MYOM2: variants seen among roughly 807,000 people sequenced by gnomAD.
The protein encoded by MYOM2 is myomesin 2.
MYOM2 carries 254 observed loss-of-function variants against 187.6 expected under a neutral mutation model. The ratio of observed to expected loss-of-function variants is 1.35; its 90% CI spans 1.22 to 1.50. MYOM2 has a LOEUF of 1.50. MYOM2 is among the 40% of genes most tolerant of loss of function. The probability of loss-of-function intolerance (pLI) is 0.00; values close to 1 mark genes in which losing one functional copy is unlikely to be tolerated. For synonymous variants in MYOM2, 981 were observed against 753.8 expected, an observed-to-expected ratio of 1.30 and a Z score of -4.94; for missense variants, 2,796 against 1,924.0, an observed-to-expected ratio of 1.45 and a Z score of -8.48.
intron 6 of MYOM2, among the ~76,000 whole-genome samples, chr8:2,065,332 A>G (rs964511401): frequency 6.6e-6 from 1 of 152,136 alleles, no homozygotes; most frequent in African/African-American, 2.4e-5. Context: ...GCATGTTGGG[A>G]GGCCGAGGCA....
In MYOM2 at chr8:2,116,047, G is replaced by C. The variant is rs764327798; in HGVS notation, c.3268G>C (p.Val1090Leu). The change falls in exon 26 of 37, where the codon GTG becomes CTG. Residue 1090 changes from valine (V) to leucine (L), a missense_variant. Physicochemically the swap from Val to Leu is conservative, Grantham distance 32 (BLOSUM62 1). Coordinates refer to ENST00000262113, the MANE Select transcript of MYOM2 (RefSeq NM_003970.4). Reference protein sequence around the residue: ...FSIENEGTYTVQIHDGKAKSQ... With the variant: ...FSIENEGTYTLQIHDGKAKSQ... ...TATTGAAAATGAGGGGACCTACACT[G>C]TGCAGATTCATGATGGGAAAGCCAA... 1.2e-5 allele frequency: 19 copies of C among 1,613,994 alleles called. No individual in the cohort carries two copies. In the South Asian group the frequency reaches 1.6e-4, roughly 14 times the overall value.
At chr8:2,118,541 A>G (rs112648781) in intron 28 of MYOM2, among the ~76,000 whole-genome samples, 7 of 152,338 alleles carry the variant, frequency 4.6e-5, no homozygotes, top group African/African-American at 1.4e-4. Context: ...GTAAACAGAC[A>G]GTTTCAATAA....
intron 9 of MYOM2, 102 bp from the exon 10 acceptor site, chr8:2,073,237 G>C: frequency 7.6e-7 from 1 of 1,316,448 alleles, no homozygotes; most frequent in Non-Finnish European, 1.0e-6. Context: ...TGTCCAGCTC[G>C]ACTGTCCTGT....
intron 14 of MYOM2, among the ~76,000 whole-genome samples, chr8:2,089,682 A>C (rs1025796): frequency 2.6e-5 from 4 of 152,088 alleles, no homozygotes; most frequent in East Asian, 1.9e-4. Context: ...ATTATCTTTC[A>C]TTATTTGCAG....
intron 15 of MYOM2, 144 bp from the exon 16 acceptor site, chr8:2,092,202 C>G (rs1796327211): frequency 1.0e-6 from 1 of 974,760 alleles, no homozygotes; most frequent in African/African-American, 1.6e-5. Flanking sequence ...GGGCTCCTCT[C>G]CTACTCCTGG....
Position 2,085,347 on chromosome 8 carries a change from C to A in MYOM2, c.1601C>A (p.Pro534His), listed in dbSNP as rs1163754479. ...TATGTCGTCCTCAGCTGGGAGCCAC[C>A]CACTCCCCGTGGCAAGGACCCGCTC... ...RNYVVLSWEP[P>H]TPRGKDPLMY... Residue 534 changes from proline to histidine, a missense_variant, in exon 14 of 37, where the codon CCC (proline) becomes CAC (histidine). Coordinates refer to ENST00000262113, the MANE Select transcript of MYOM2 (RefSeq NM_003970.4). 1 of 1,614,032 alleles carries A rather than the reference C, an allele frequency of 6.2e-7. No homozygotes were observed. The highest frequency in any genetic ancestry group is 8.5e-7 in the Non-Finnish European group (1 of 1,179,974).
At chr8:2,048,590 C>A (rs1017161572) in intron 1 of MYOM2, among the ~76,000 whole-genome samples, 1 of 151,662 alleles carries the variant, frequency 6.6e-6, no homozygotes, top group Non-Finnish European at 1.5e-5. Context: ...GATGCAGATT[C>A]AATATGGAAC....
At chr8:2,100,157 C>CCTTCCTTCCTTCT (rs1796654700) in intron 19 of MYOM2, among the ~76,000 whole-genome samples, 3 of 127,814 alleles carry the variant, frequency 2.3e-5, no homozygotes, top group African/African-American at 9.6e-5. Context: ...TCCTTCCTTC[C>CCTTCCTTCCTTCT]TTCCTTCCTT....
intron 14 of MYOM2, among the ~76,000 whole-genome samples, chr8:2,088,696 A>G (rs1346825012): frequency 3.3e-5 from 5 of 151,978 alleles, no homozygotes; most frequent in Non-Finnish European, 7.4e-5. Context: ...CCATGTCTTT[A>G]CTTTTGAGAA....
intron 19 of MYOM2, among the ~76,000 whole-genome samples, chr8:2,099,637 C>G (rs908024979): frequency 1.3e-5 from 2 of 152,068 alleles, no homozygotes; most frequent in East Asian, 2.0e-4. Flanking sequence ...CCAGGCTGGT[C>G]TTGAACTCCT....
At chr8:2,073,234 C>G in intron 9 of MYOM2, 105 bp from the exon 10 acceptor site, 3 of 1,284,390 alleles carry the variant, frequency 2.3e-6, no homozygotes, top group Non-Finnish European at 3.2e-6. Context: ...TGGTGTCCAG[C>G]TCGACTGTCC....
rs184803088 is a variant in MYOM2 at position 2,083,530 on chromosome 8, C to T, written c.1517-1733C>T. 8.7e-4 allele frequency among the ~76,000 whole-genome samples: 132 copies of T among 152,220 alleles called. No homozygotes were observed. In the Middle Eastern group the frequency reaches 0.01, roughly 12 times the overall value. On this transcript the variant is annotated intron_variant, in intron 13 of 36. Coordinates refer to ENST00000262113, the MANE Select transcript of MYOM2 (RefSeq NM_003970.4). ...CTAGCAGCATCTCACGTGTGCTTAG[C>T]GGCATCTTGCGTGTGCTTAGCGGTG... is the stretch of plus-strand genomic sequence containing the variant.
At chr8:2,079,236 A>AAGTGT (rs1819538536) in intron 12 of MYOM2, among the ~76,000 whole-genome samples, 1 of 152,076 alleles carries the variant, frequency 6.6e-6, no homozygotes, top group South Asian at 2.1e-4. Context: ...TAATTTCAAC[A>AAGTGT]CATAATGACA....
intron 36 of MYOM2, 77 bp from the exon 37 acceptor site, chr8:2,144,587 G>C: frequency 7.0e-7 from 1 of 1,420,510 alleles, no homozygotes. Flanking sequence ...GTGTGACCTG[G>C]AGCCCACCGT....
chr8:2,128,776 C>T (rs1228941436), intron 31 of MYOM2, among the ~76,000 whole-genome samples: 1 of 152,158 alleles, frequency 6.6e-6, no homozygotes, highest in African/African-American at 2.4e-5. Context: ...TACGATAGTT[C>T]AGCTTGGGGT....
chr8:2,099,644 T>C (rs939784739), intron 19 of MYOM2, among the ~76,000 whole-genome samples: 1 of 152,102 alleles, frequency 6.6e-6, no homozygotes, highest in Non-Finnish European at 1.5e-5. Flanking sequence ...GGTCTTGAAC[T>C]CCTGGGCTCA....
Position 2,057,435 on chromosome 8 carries a change from G to A in MYOM2, c.351G>A (p.Leu117=). 2.5e-6 allele frequency: 4 copies of A among 1,614,026 alleles called. No homozygotes were observed. The highest frequency in any genetic ancestry group is 3.3e-4 in the Middle Eastern group (2 of 6,060). Residue 117 remains leucine (L), a synonymous_variant, in exon 4 of 37, where the codon CTG becomes CTA. Transcript: ENST00000262113. ...CCCACTTGGAGGAGGATGTCCACCT[G>A]GCACGCTCCCAGGCCCGCGACAAGC... ...ELAHLEEDVH[L]ARSQARDKLD...
Position 2,140,901 on chromosome 8 carries a change from C to G in MYOM2, c.3964+15C>G, listed in dbSNP as rs1204295227. 1 of 1,588,340 alleles carries G rather than the reference C, an allele frequency of 6.3e-7. No homozygotes were observed. Among genetic ancestry groups the G allele is most frequent in the South Asian group, 1.1e-5 (1 of 87,582 alleles). ...GTCCGGACAAGGTAAGAGAATTCTTCTTTAGCATTTAATAATTTCCTATTT... is the reference window on the plus strand; with the variant it reads ...GTCCGGACAAGGTAAGAGAATTCTTGTTTAGCATTTAATAATTTCCTATTT... On this transcript the variant is annotated intron_variant, in intron 33 of 36. Transcript: ENST00000262113.
intron 6 of MYOM2, among the ~76,000 whole-genome samples, chr8:2,061,428 G>A (rs149582969): frequency 2.1e-3 from 325 of 152,278 alleles, no homozygotes; most frequent in Non-Finnish European, 3.6e-3. Flanking sequence ...CTCCTGCCCT[G>A]TGCCCTCCCC....
Sources: allele counts gnomAD v4.1 joint callset (sites outside exome capture counted in the v4.1 genomes callset), GRCh38; gene constraint gnomAD v4.1.1; transcripts MANE v1.5; gene names NCBI Gene and HGNC (gene_info 2026-07-23, HGNC 2026-07-21).